LSAMP: variants seen among roughly 807,000 people sequenced by gnomAD.
LSAMP encodes the protein limbic system associated membrane protein.
Under a neutral mutation model 38.6 loss-of-function variants are expected in LSAMP, and 7 were observed. The ratio of observed to expected loss-of-function variants is 0.18; its 90% CI spans 0.10 to 0.34. The LOEUF (loss-of-function observed/expected upper bound fraction) is 0.34. LSAMP is among the 10% of genes least tolerant of loss of function. The pLI, the probability that LSAMP is intolerant of heterozygous loss-of-function variation, is 1.00. For missense variants in LSAMP, 313 were observed against 420.0 expected (o/e 0.75, Z 2.23); for synonymous variants, 154 against 166.8 (o/e 0.92, Z 0.59).
At position 116,196,926 on chromosome 3, in the gene LSAMP, G is replaced by A. The variant is rs185166495; in HGVS notation, c.156-110370C>T. 7.9e-5 allele frequency among the ~76,000 whole-genome samples: 12 copies of A among 152,168 alleles called. 1 individual carries two copies. The highest frequency in any genetic ancestry group is 5.9e-4 in the Admixed American group (9 of 15,280). Reference sequence around the variant, plus strand: ...CAACTCCTGAGAGCATCCATTAACTGGGTTTTTCATTGCTATGTCTCTCAT... The same window carrying A: ...CAACTCCTGAGAGCATCCATTAACTAGGTTTTTCATTGCTATGTCTCTCAT... On this transcript the variant is annotated intron_variant, in intron 1 of 6. Transcript: ENST00000490035.
intron 3 of LSAMP, among the ~76,000 whole-genome samples, chr3:115,857,341 C>G (rs1015691690): frequency 6.6e-5 from 10 of 152,318 alleles, no homozygotes; most frequent in Non-Finnish European, 1.2e-4. Flanking sequence ...TCAGTTCTCT[C>G]TGACTGGCTG....
intron 1 of LSAMP, among the ~76,000 whole-genome samples, chr3:116,238,227 G>A (rs1214316175): frequency 1.3e-5 from 2 of 152,068 alleles, no homozygotes; most frequent in African/African-American, 4.8e-5. Context: ...CTTTTTAATT[G>A]TCTCCTACGA....
chr3:116,195,624 A>G (rs550365865), intron 1 of LSAMP, among the ~76,000 whole-genome samples: 1 of 152,174 alleles, frequency 6.6e-6, no homozygotes, highest in East Asian at 1.9e-4. Context: ...AATAGCACAT[A>G]CTTAGTCAGT....
At chr3:116,064,576 A>G (rs990012812) in intron 2 of LSAMP, among the ~76,000 whole-genome samples, 5 of 152,180 alleles carry the variant, frequency 3.3e-5, no homozygotes, top group African/African-American at 9.7e-5. Flanking sequence ...GCAGTAAAGC[A>G]TAGCCCATAT....
intron 3 of LSAMP, among the ~76,000 whole-genome samples, chr3:115,992,201 C>A (rs771504889): frequency 6.6e-6 from 1 of 151,974 alleles, no homozygotes; most frequent in Non-Finnish European, 1.5e-5. Context: ...CCCCCAGCTC[C>A]AACTTTACAC....
intron 2 of LSAMP, among the ~76,000 whole-genome samples, chr3:116,065,641 A>G (rs1165465087): frequency 6.6e-6 from 1 of 152,220 alleles, no homozygotes; most frequent in African/African-American, 2.4e-5. Context: ...ACAGGTATGC[A>G]TGGAGCAAAC....
intron 1 of LSAMP, among the ~76,000 whole-genome samples, chr3:116,428,242 G>A (rs934028067): frequency 6.6e-6 from 1 of 152,116 alleles, no homozygotes; most frequent in African/African-American, 2.4e-5. Flanking sequence ...GGCAGATCAT[G>A]AGGTCAAGAG....
intron 1 of LSAMP, among the ~76,000 whole-genome samples, chr3:116,143,555 TTAAAA>T (rs1161886943): frequency 1.3e-5 from 2 of 151,960 alleles, no homozygotes; most frequent in Non-Finnish European, 2.9e-5. Context: ...TATGCTTGTA[TTAAAA>T]TATCTCATTA....
chr3:116,095,430 T>C (rs1292683080), intron 1 of LSAMP, among the ~76,000 whole-genome samples: 2 of 152,218 alleles, frequency 1.3e-5, no homozygotes, highest in East Asian at 3.9e-4. Flanking sequence ...ATCATCTTTT[T>C]GAAGAAGCAC....
chr3:116,092,804 C>T (rs1250517130), intron 1 of LSAMP, among the ~76,000 whole-genome samples: 1 of 152,142 alleles, frequency 6.6e-6, no homozygotes, highest in African/African-American at 2.4e-5. Context: ...CAACAGATTA[C>T]TTAATAGCAT....
intron 1 of LSAMP, among the ~76,000 whole-genome samples, chr3:116,159,304 C>T (rs577840315): frequency 6.6e-6 from 1 of 152,184 alleles, no homozygotes; most frequent in South Asian, 2.1e-4. Flanking sequence ...AAACTATCAA[C>T]AGAGTAAACA....
At chr3:116,419,717 A>G (rs1285398204) in intron 1 of LSAMP, among the ~76,000 whole-genome samples, 2 of 152,232 alleles carry the variant, frequency 1.3e-5, no homozygotes, top group African/African-American at 4.8e-5. Context: ...AAGAAACCTC[A>G]AAGCAAAATG....
chr3:115,909,633 G>A (rs1937092259), intron 3 of LSAMP, among the ~76,000 whole-genome samples: 1 of 152,094 alleles, frequency 6.6e-6, no homozygotes, highest in Admixed American at 6.6e-5. Flanking sequence ...ATCAAGAAAT[G>A]CATCACTTGT....
In LSAMP at chr3:115,806,175, G is replaced by A. The variant is rs1301076763; in HGVS notation, c.*4142C>T. ...GCCAAATAATTACAAAACGGAAAAA[G>A]TGGGGCTCTATGTCTTTCTACGTGA... On this transcript the variant is annotated 3_prime_UTR_variant, in exon 7 of 7. Coordinates refer to ENST00000490035, the MANE Select transcript of LSAMP (RefSeq NM_002338.5). 2.6e-5 allele frequency: 4 copies of A among 152,170 alleles called. No homozygotes were observed. The highest frequency in any genetic ancestry group is 5.9e-5 in the Non-Finnish European group (4 of 68,026). The allele number at this position is 152,170 out of a possible 1,614,324, so 9.4% of individuals were successfully genotyped here.
At chr3:116,408,509 T>A (rs901206151) in intron 1 of LSAMP, among the ~76,000 whole-genome samples, 5 of 152,108 alleles carry the variant, frequency 3.3e-5, no homozygotes, top group African/African-American at 9.7e-5. Flanking sequence ...GCCTAGCAAC[T>A]TAATCACACC....
intron 2 of LSAMP, among the ~76,000 whole-genome samples, chr3:116,035,674 CTGTTTATACT>C (rs933764908): frequency 1.3e-5 from 2 of 152,140 alleles, no homozygotes; most frequent in African/African-American, 4.8e-5. Context: ...TAAATTAGCT[CTGTTTATACT>C]CTGTCCAGCG....
intron 3 of LSAMP, among the ~76,000 whole-genome samples, chr3:115,943,313 T>C (rs954752295): frequency 6.6e-6 from 1 of 152,132 alleles, no homozygotes; most frequent in African/African-American, 2.4e-5. Flanking sequence ...CAGAATACTT[T>C]ATCCAGTTTG....
chr3:116,162,606 G>A (rs186742596), intron 1 of LSAMP, among the ~76,000 whole-genome samples: 16 of 151,992 alleles, frequency 1.1e-4, no homozygotes, highest in African/African-American at 3.6e-4. Context: ...GTGTATGAAT[G>A]TGTATGTTTT....
chr3:116,040,913 T>G (rs1174273499), intron 2 of LSAMP, among the ~76,000 whole-genome samples: 1 of 152,054 alleles, frequency 6.6e-6, no homozygotes, highest in African/African-American at 2.4e-5. Context: ...TTTTCTTAAT[T>G]TAATTGTATT....
Sources: gnomAD v4.1 joint callset for allele counts (sites outside exome capture counted in the v4.1 genomes callset) on GRCh38, gnomAD v4.1.1 for gene constraint, MANE v1.5 for transcripts, NCBI Gene and HGNC (gene_info 2026-07-23, HGNC 2026-07-21) for gene names.